Variants in IHO1 observed in about 807,000 individuals in gnomAD.
IHO1 encodes the protein interactor of HORMAD1 protein 1.
Under a neutral mutation model 31.0 loss-of-function variants are expected in IHO1, and 13 were observed. The ratio of observed to expected loss-of-function variants is 0.42; its 90% confidence interval spans 0.27 to 0.67. The LOEUF (loss-of-function observed/expected upper bound fraction) is 0.67. IHO1 is among the 30% of genes least tolerant of loss of function. IHO1 has a pLI of 0.24. For missense variants in IHO1, 599 were observed against 687.5 expected (o/e 0.87, Z 1.44); for synonymous variants, 221 against 248.4 (o/e 0.89, Z 1.04).
At chr3:49,216,952 C>T (rs147876732) in intron 2 of IHO1, among the ~76,000 whole-genome samples, 14,363 of 152,198 alleles carry the variant, frequency 0.094, 753 homozygotes, top group Middle Eastern at 0.11. Flanking sequence ...CCATCTCAAG[C>T]CAGTTAGAAT....
chr3:49,200,515 GAAAAGAA>G, intron 1 of IHO1: 2 of 919,262 alleles, frequency 2.2e-6, no homozygotes, highest in Non-Finnish European at 2.6e-6. Flanking sequence ...AAGAAAGAAA[GAAAAGAA>G]AAAAGATTGT....
intron 2 of IHO1, among the ~76,000 whole-genome samples, chr3:49,216,000 C>A (rs2046282199): frequency 6.6e-6 from 1 of 152,070 alleles, no homozygotes; most frequent in African/African-American, 2.4e-5. Flanking sequence ...GAGTCTCTTT[C>A]TGTTTTAATA....
intron 2 of IHO1, among the ~76,000 whole-genome samples, chr3:49,212,608 A>G (rs1039616918): frequency 6.6e-6 from 1 of 152,070 alleles, no homozygotes; most frequent in African/African-American, 2.4e-5. Flanking sequence ...CACTGACTTC[A>G]AGAATGAGGC....
At position 49,244,663 on chromosome 3, in the gene IHO1, A is replaced by C. The variant is rs755718433; in HGVS notation, c.462A>C (p.Glu154Asp). The C allele has an allele frequency of 1.2e-6, 2 of 1,613,102 alleles. No individual in the cohort carries two copies. Among genetic ancestry groups the C allele is most frequent in the East Asian group, 4.5e-5 (2 of 44,876 alleles). Residue 154 changes from glutamate (E) to aspartate (D), a missense_variant, in exon 6 of 8, where the codon GAA (glutamate) becomes GAC (aspartate). Glu to Asp is a conservative substitution (Grantham distance 45). Coordinates refer to ENST00000452691, the MANE Select transcript of IHO1 (RefSeq NM_001135197.2). ...ESILRLQTSV[E>D]KSEDHLSSRS... ...TTTCTTAGTTGCAGACGTCTGTGGA[A>C]AAGTCTGAGGACCATCTCAGTTCAA...
intron 2 of IHO1, among the ~76,000 whole-genome samples, chr3:49,233,623 C>T (rs940348257): frequency 6.6e-6 from 1 of 152,170 alleles, no homozygotes; most frequent in Non-Finnish European, 1.5e-5. Context: ...CCAACTCCTG[C>T]GAGAAGTAGC....
intron 2 of IHO1, among the ~76,000 whole-genome samples, chr3:49,214,952 G>A (rs2046270215): frequency 6.7e-6 from 1 of 149,826 alleles, no homozygotes; most frequent in South Asian, 2.1e-4. Flanking sequence ...TCTTCATTAA[G>A]TCCAATTCCT....
chr3:49,214,347 G>T (rs2046258444), intron 2 of IHO1, among the ~76,000 whole-genome samples: 1 of 151,792 alleles, frequency 6.6e-6, no homozygotes, highest in Non-Finnish European at 1.5e-5. Context: ...CTCCACTAAG[G>T]TACTTACACT....
At position 49,256,607 on chromosome 3, in the gene IHO1, T is replaced by C; in HGVS notation, c.1110T>C (p.His370=). 1.2e-6 allele frequency: 2 copies of C among 1,614,220 alleles called. No homozygotes were observed. Among genetic ancestry groups the C allele is most frequent in the Non-Finnish European group, 1.7e-6 (2 of 1,180,038 alleles). ...TTACTAAAACAGGTGCCAAGAACCATGGTTCCAGCGTCCCAGGCCATAAGA... is the reference window on the plus strand; with the variant it reads ...TTACTAAAACAGGTGCCAAGAACCACGGTTCCAGCGTCCCAGGCCATAAGA... ...WAVTKTGAKN[H]GSSVPGHKIP... is the part of the protein sequence containing the mutation. Residue 370 remains histidine (H), a synonymous_variant, in exon 8 of 8, where the codon CAT becomes CAC. Coordinates refer to ENST00000452691, the MANE Select transcript of IHO1 (RefSeq NM_001135197.2). The surrounding 1 kb of genome is among the most constrained non-coding windows in gnomAD (Gnocchi z 4.6).
In IHO1 at chr3:49,256,135, G is replaced by T; in HGVS notation, c.638G>T (p.Arg213Ile). Residue 213 changes from arginine to isoleucine, a missense_variant and splice_region_variant, in exon 8 of 8, where the codon AGA becomes ATA. Arg to Ile is a moderately conservative substitution (Grantham distance 97). Transcript: ENST00000452691. The surrounding 1 kb of genome is among the most constrained non-coding windows in gnomAD (Gnocchi z 4.6). ...ILEMKKRFEA[R>I]QGEFIEMKSN... Reference sequence around the variant, plus strand: ...CTTTCTCACTGCCTCTCTCCCCAGAGACAAGGAGAGTTTATAGAAATGAAG... The same window carrying T: ...CTTTCTCACTGCCTCTCTCCCCAGATACAAGGAGAGTTTATAGAAATGAAG... The T allele has an allele frequency of 6.2e-7, 1 of 1,602,148 alleles. No individual in the cohort carries two copies. The highest frequency in any genetic ancestry group is 1.1e-5 in the South Asian group (1 of 88,860).
Position 49,244,409 on chromosome 3 carries a change from C to G in IHO1, c.401C>G (p.Thr134Ser), listed in dbSNP as rs1296620304. ...KRAKDKCDSE[T>S]LYNFVSNVRE... ...TTTTTTCCCTCCTATTCTAGTGAGACTCTATACAACTTTGTTTCTAATGTT... is the reference window on the plus strand; with the variant it reads ...TTTTTTCCCTCCTATTCTAGTGAGAGTCTATACAACTTTGTTTCTAATGTT... The change falls in exon 5 of 8, where the codon ACT becomes AGT. Residue 134 changes from threonine (T) to serine (S), a missense_variant. Coordinates refer to ENST00000452691, the MANE Select transcript of IHO1 (RefSeq NM_001135197.2). 7 of 1,547,034 alleles carry G rather than the reference C, an allele frequency of 4.5e-6. No homozygotes were observed. The highest frequency in any genetic ancestry group is 5.3e-6 in the Non-Finnish European group (6 of 1,129,036).
intron 2 of IHO1, among the ~76,000 whole-genome samples, chr3:49,233,962 C>G (rs193013124): frequency 6.6e-6 from 1 of 152,144 alleles, no homozygotes; most frequent in Non-Finnish European, 1.5e-5. Context: ...CCATTTGTTT[C>G]GGCCCATCCC....
At chr3:49,224,778 A>G (rs938316802) in intron 2 of IHO1, among the ~76,000 whole-genome samples, 7 of 152,222 alleles carry the variant, frequency 4.6e-5, no homozygotes, top group Non-Finnish European at 1.0e-4. Context: ...ATAAGTCTGG[A>G]CTATAATTTG....
chr3:49,224,639 T>C (rs1225144032), intron 2 of IHO1, among the ~76,000 whole-genome samples: 1 of 152,240 alleles, frequency 6.6e-6, no homozygotes, highest in Non-Finnish European at 1.5e-5. Flanking sequence ...TACTTTCAAG[T>C]ATGGTTACAT....
chr3:49,248,316 G>C (rs2046720921), intron 6 of IHO1, among the ~76,000 whole-genome samples: 1 of 152,012 alleles, frequency 6.6e-6, no homozygotes, highest in Non-Finnish European at 1.5e-5. Flanking sequence ...CAGCTACTCA[G>C]GAGGCTGAGG....
At chr3:49,244,257 T>G in intron 4 of IHO1, 147 bp from the exon 5 acceptor site, 1 of 607,274 alleles carries the variant, frequency 1.6e-6, no homozygotes, top group Non-Finnish European at 2.9e-6. Flanking sequence ...GGCACTAAGG[T>G]TTCTCAGGGT....
chr3:49,219,567 C>T (rs963200869), intron 2 of IHO1, among the ~76,000 whole-genome samples: 9 of 152,168 alleles, frequency 5.9e-5, no homozygotes, highest in Non-Finnish European at 1.2e-4. Context: ...TTTCCCTTTC[C>T]ACACTCTATA....
At chr3:49,194,292 G>GTATATATATA (rs141683116), upstream of IHO1, among the ~76,000 whole-genome samples, 67 of 120,168 alleles carry the variant, frequency 5.6e-4, no homozygotes, top group African/African-American at 1.9e-3. Flanking sequence ...AGTACAAAGT[G>GTATATATATA]TATATATATA....
intron 2 of IHO1, among the ~76,000 whole-genome samples, chr3:49,215,695 A>C (rs1172557814): frequency 6.6e-6 from 1 of 152,170 alleles, no homozygotes; most frequent in Non-Finnish European, 1.5e-5. Context: ...CCCTGACTAA[A>C]ATTAAGGGTT....
intron 2 of IHO1, among the ~76,000 whole-genome samples, chr3:49,217,390 A>G (rs2046302531): frequency 1.3e-5 from 2 of 151,830 alleles, no homozygotes. Flanking sequence ...TCACAAGGAC[A>G]GAAAACCAAA....
Sources: allele counts gnomAD v4.1 joint callset (sites outside exome capture counted in the v4.1 genomes callset), GRCh38; gene constraint gnomAD v4.1.1; non-coding constraint Gnocchi (gnomAD v3.1); transcripts MANE v1.5; gene names NCBI Gene and HGNC (gene_info 2026-07-23, HGNC 2026-07-21).